The following RBFOX1 variants were observed in gnomAD, a reference collection of about 807,000 sequenced individuals.
The protein encoded by RBFOX1 is RNA binding protein fox-1 homolog 1.
In RBFOX1, 8 loss-of-function variants were observed where a neutral mutation model predicts 57.7. The ratio of observed to expected loss-of-function variants is 0.14; its 90% CI spans 0.08 to 0.25. The LOEUF (loss-of-function observed/expected upper bound fraction) is 0.25, where lower values mean the gene tolerates loss of function less well. Among genes scored for constraint, RBFOX1 ranks in the 10% least tolerant of loss-of-function variants. The pLI is 1.00. For missense variants in RBFOX1, 611 were observed against 548.5 expected (o/e 1.11, Z -1.14); for synonymous variants, 326 against 222.4 (o/e 1.47, Z -4.15).
chr16:7,032,187 G>C (rs113782102), intron 3 of RBFOX1, among the ~76,000 whole-genome samples: 2 of 152,080 alleles, frequency 1.3e-5, no homozygotes, highest in African/African-American at 4.8e-5. Flanking sequence ...TTCTTTGGGA[G>C]GCCAAGGCGG....
At position 7,449,379 on chromosome 16, in the gene RBFOX1, T is replaced by C. The variant is rs555929243; in HGVS notation, c.28-68768T>C. 1.3e-3 allele frequency among the ~76,000 whole-genome samples: 203 copies of C among 152,240 alleles called. 1 individual carries two copies. Among genetic ancestry groups the C allele is most frequent in the South Asian group, 1.5e-3 (7 of 4,824 alleles). On this transcript the variant is annotated intron_variant, in intron 4 of 15. Transcript: ENST00000550418. ...AGTGAAAGTAGTCAGTGGGGGAGAA[T>C]GGCAGTGAAAATAGATGGATGAATT...
intron 3 of RBFOX1, among the ~76,000 whole-genome samples, chr16:6,822,078 T>G (rs1406636396): frequency 1.3e-5 from 2 of 152,028 alleles, no homozygotes; most frequent in Non-Finnish European, 2.9e-5. Context: ...GCCAGTGAAA[T>G]GGTTGCGTGT....
chr16:7,385,980 G>A (rs1008737356), intron 4 of RBFOX1, among the ~76,000 whole-genome samples: 5 of 146,640 alleles, frequency 3.4e-5, no homozygotes, highest in Non-Finnish European at 7.5e-5. Flanking sequence ...TAGTAGAGAC[G>A]GAGTTTCACC....
intron 3 of RBFOX1, among the ~76,000 whole-genome samples, chr16:5,616,661 C>T (rs1311065466): frequency 8.1e-6 from 1 of 123,806 alleles, no homozygotes; most frequent in Non-Finnish European, 1.9e-5. Context: ...TCTGCTTCCT[C>T]CCCCTCATCC....
intron 3 of RBFOX1, among the ~76,000 whole-genome samples, chr16:6,774,942 C>G (rs1468987562): frequency 2.6e-5 from 4 of 151,998 alleles, no homozygotes; most frequent in African/African-American, 9.7e-5. Flanking sequence ...CAGTATACGT[C>G]TATAGGCCCT....
intron 4 of RBFOX1, among the ~76,000 whole-genome samples, chr16:7,208,849 G>A (rs11860786): frequency 0.11 from 17,438 of 152,010 alleles, 1,171 homozygotes; most frequent in African/African-American, 0.17. Flanking sequence ...TAAGCAAACA[G>A]ATAAACAGAC....
chr16:6,049,292 G>A (rs1318675878), intron 1 of RBFOX1, among the ~76,000 whole-genome samples: 1 of 150,254 alleles, frequency 6.7e-6, no homozygotes, highest in Non-Finnish European at 1.5e-5. Context: ...TCAAACTCCT[G>A]ACTTCGGGTG....
chr16:7,292,181 T>C lies in RBFOX1; in HGVS notation c.28-225966T>C, dbSNP rs1449526269. ...AGAACGTATTATATATCATATATCA[T>C]ATATGATATAGAACGTATTATATAT... On this transcript the variant is annotated intron_variant, in intron 4 of 15. Coordinates refer to ENST00000550418, the MANE Select transcript of RBFOX1 (RefSeq NM_018723.4). Among the ~76,000 whole-genome samples the C allele has an allele frequency of 2.4e-5, 3 of 123,726 alleles. No homozygotes were observed. In the East Asian group the frequency reaches 6.8e-4, roughly 28 times the overall value. The allele number at this position is 123,726 out of a possible 152,430, so 81.2% of individuals were successfully genotyped here. A position where few individuals can be genotyped will look rare whatever the true frequency, so the allele number is the denominator to read the frequency against.
At chr16:7,281,282 C>T (rs114237622) in intron 4 of RBFOX1, among the ~76,000 whole-genome samples, 4,478 of 151,666 alleles carry the variant, frequency 0.03, 102 homozygotes, top group East Asian at 0.12. Flanking sequence ...GGACTACAGG[C>T]GTGAGCCACC....
intron 4 of RBFOX1, among the ~76,000 whole-genome samples, chr16:7,223,496 C>T (rs904642048): frequency 2.0e-5 from 3 of 152,112 alleles, no homozygotes; most frequent in African/African-American, 7.2e-5. Context: ...ATAGGTTATG[C>T]TTAAGTGCTT....
chr16:7,636,992 G>A (rs755459745), intron 11 of RBFOX1, among the ~76,000 whole-genome samples: 10 of 152,074 alleles, frequency 6.6e-5, no homozygotes, highest in African/African-American at 9.7e-5. Flanking sequence ...TGGGGGTTAC[G>A]GCTTCCACAT....
chr16:6,448,312 A>C (rs540625341), intron 2 of RBFOX1, among the ~76,000 whole-genome samples: 17 of 151,586 alleles, frequency 1.1e-4, no homozygotes, highest in Admixed American at 2.6e-4. Flanking sequence ...GGTGTGTGCC[A>C]CCACACCCAG....
At position 7,665,053 on chromosome 16, in the gene RBFOX1, G is replaced by C. The variant is rs1022553394; in HGVS notation, c.930+85G>C. 22 of 1,611,848 alleles carry C rather than the reference G, an allele frequency of 1.4e-5. No individual in the cohort carries two copies. The Admixed American group carries it at 2.8e-4, about 21-fold the overall frequency. On this transcript the variant is annotated intron_variant, in intron 13 of 15. Coordinates refer to ENST00000550418, the MANE Select transcript of RBFOX1 (RefSeq NM_018723.4). ...AGTTTGCTGTGAATTTCTCTACTTG[G>C]CGTAGTTGAGTTTCTCTCCTTGGTC...
Position 6,166,438 on chromosome 16 carries a change from G to A in RBFOX1, c.-127+146446G>A, listed in dbSNP as rs575876232. On this transcript the variant is annotated intron_variant, in intron 1 of 15. Coordinates refer to ENST00000550418, the MANE Select transcript of RBFOX1 (RefSeq NM_018723.4). ...GGGGAATGAAAATAAGGTCATCAAG[G>A]TGTCTCTCTCTTTCTCTCTGACTCT... 2.0e-5 allele frequency among the ~76,000 whole-genome samples: 3 copies of A among 150,960 alleles called. No individual in the cohort carries two copies. In the East Asian group the frequency reaches 5.8e-4, roughly 29 times the overall value.
intron 3 of RBFOX1, among the ~76,000 whole-genome samples, chr16:6,738,183 G>A (rs950200522): frequency 2.6e-5 from 4 of 151,912 alleles, no homozygotes; most frequent in Admixed American, 6.6e-5. Context: ...AAAACACATG[G>A]AACAATGGTT....
chr16:6,846,556 G>T (rs1200590901), intron 3 of RBFOX1, among the ~76,000 whole-genome samples: 1 of 152,190 alleles, frequency 6.6e-6, no homozygotes, highest in Non-Finnish European at 1.5e-5. Context: ...AGCTGTTCGG[G>T]GAGCTGCTGC....
chr16:7,019,466 G>T (rs1285668160), intron 3 of RBFOX1, among the ~76,000 whole-genome samples: 1 of 152,096 alleles, frequency 6.6e-6, no homozygotes. Flanking sequence ...AAGAGATTTT[G>T]TACTTTTTGT....
chr16:5,637,824 C>T (rs1454305261), intron 3 of RBFOX1, among the ~76,000 whole-genome samples: 5 of 152,054 alleles, frequency 3.3e-5, no homozygotes, highest in African/African-American at 1.2e-4. Context: ...GGCCACAGGG[C>T]TTAGCCCCAC....
At chr16:6,168,433 C>A (rs531878868) in intron 1 of RBFOX1, among the ~76,000 whole-genome samples, 2 of 152,268 alleles carry the variant, frequency 1.3e-5, no homozygotes, top group East Asian at 3.9e-4. Context: ...TACAGTCAGG[C>A]TCCCAAAGAT....
Sources: gnomAD v4.1 joint callset for allele counts (sites outside exome capture counted in the v4.1 genomes callset) on GRCh38, gnomAD v4.1.1 for gene constraint, MANE v1.5 for transcripts, NCBI Gene and HGNC (gene_info 2026-07-23, HGNC 2026-07-21) for gene names.